Variants in LDLRAD4 observed in about 807,000 individuals in gnomAD.
LDLRAD4 encodes the protein low density lipoprotein receptor class A domain containing 4, also known as low-density lipoprotein receptor class A domain-containing protein 4.
In LDLRAD4, 5 loss-of-function variants were observed where a neutral mutation model predicts 17.0. The ratio of observed to expected loss-of-function variants is 0.29; its 90% CI spans 0.15 to 0.62. LDLRAD4 has a LOEUF of 0.62. LDLRAD4 is among the 20% of genes least tolerant of loss of function. The pLI is 0.84. For synonymous variants in LDLRAD4, 168 were observed against 171.8 expected, an observed-to-expected ratio of 0.98 and a Z score of 0.17; for missense variants, 340 against 424.7, an observed-to-expected ratio of 0.80 and a Z score of 1.75.
intron 3 of LDLRAD4, chr18:13,615,493 C>T (rs936547795): frequency 3.3e-5 from 5 of 152,164 alleles, no homozygotes; most frequent in South Asian, 4.1e-4. Flanking sequence ...TTAAAAATAG[C>T]GCAGACACTC....
chr18:13,340,867 C>T (rs186904793), intron 1 of LDLRAD4, among the ~76,000 whole-genome samples: 56 of 152,070 alleles, frequency 3.7e-4, no homozygotes, highest in African/African-American at 1.1e-3. Flanking sequence ...TTTTAGCTTT[C>T]GTTTCTAGGT....
chr18:13,521,527 G>A (rs1327983014), intron 3 of LDLRAD4: 1 of 152,068 alleles, frequency 6.6e-6, no homozygotes, highest in Non-Finnish European at 1.5e-5. Flanking sequence ...ATTGCCAGTG[G>A]AATAACTTGG....
intron 3 of LDLRAD4, among the ~76,000 whole-genome samples, chr18:13,581,883 G>A (rs1248272883): frequency 6.6e-6 from 1 of 152,164 alleles, no homozygotes; most frequent in African/African-American, 2.4e-5. Context: ...ACACACGTAT[G>A]TGTGTGCATG....
In LDLRAD4 at chr18:13,612,657, TG is replaced by T. The variant is rs745447801; in HGVS notation, c.182-8453del. ...GGAAGCTGAAGGGATGCTTTGAACG[TG>T]GGGGGGCTGCGTCACAGTTGGACTC... On this transcript the variant is annotated intron_variant, in intron 3 of 5. Transcript: ENST00000359446. 2.9e-5 allele frequency: 47 copies of T among 1,612,152 alleles called. No homozygotes were observed. In the African/African-American group the frequency reaches 6.0e-4, roughly 21 times the overall value.
At chr18:13,261,614 C>T (rs549160555) in intron 1 of LDLRAD4, among the ~76,000 whole-genome samples, 249 of 152,324 alleles carry the variant, frequency 1.6e-3, no homozygotes, top group African/African-American at 5.7e-3. Context: ...GAGTGATAAG[C>T]GCACTCGTTC....
chr18:13,305,130 A>G (rs992431099), intron 1 of LDLRAD4, among the ~76,000 whole-genome samples: 1 of 152,204 alleles, frequency 6.6e-6, no homozygotes, highest in Admixed American at 6.5e-5. Context: ...TAGGCATGTC[A>G]TGAATGCATA....
chr18:13,460,657 TTAGTGATGAGGGTATTTAAGGCAGA>T (rs1363077891), intron 3 of LDLRAD4, among the ~76,000 whole-genome samples: 1 of 152,174 alleles, frequency 6.6e-6, no homozygotes, highest in Non-Finnish European at 1.5e-5. Context: ...AAAAGGACAA[TTAGTGATGAGGGTATTTAAGGCAGA>T]CAGTTCATAC....
chr18:13,467,231 C>T (rs1193033653), intron 3 of LDLRAD4, among the ~76,000 whole-genome samples: 1 of 152,150 alleles, frequency 6.6e-6, no homozygotes, highest in East Asian at 1.9e-4. Flanking sequence ...ATGACATGAT[C>T]TTATGTATAG....
intron 3 of LDLRAD4, among the ~76,000 whole-genome samples, chr18:13,583,886 C>G (rs763989876): frequency 1.7e-4 from 26 of 152,148 alleles, no homozygotes; most frequent in Non-Finnish European, 3.7e-4. Flanking sequence ...ATGGAACCTG[C>G]GAGCACTTTC....
chr18:13,287,542 A>G (rs1488700672), intron 1 of LDLRAD4, among the ~76,000 whole-genome samples: 1 of 152,128 alleles, frequency 6.6e-6, no homozygotes, highest in East Asian at 1.9e-4. Flanking sequence ...CATCCTCTGG[A>G]TAAGTAATTG....
At chr18:13,348,950 C>T (rs1043791537) in intron 1 of LDLRAD4, among the ~76,000 whole-genome samples, 10 of 152,194 alleles carry the variant, frequency 6.6e-5, no homozygotes, top group African/African-American at 1.7e-4. Flanking sequence ...GAGAGTGACC[C>T]GATTTTCCAG....
At chr18:13,357,296 C>T (rs1323596157) in intron 1 of LDLRAD4, among the ~76,000 whole-genome samples, 2 of 151,952 alleles carry the variant, frequency 1.3e-5, no homozygotes, top group Admixed American at 1.3e-4. Context: ...GCAGGCTGGA[C>T]TCCTGGGCTT....
chr18:13,562,549 C>T (rs945276297), intron 3 of LDLRAD4, among the ~76,000 whole-genome samples: 3 of 152,222 alleles, frequency 2.0e-5, no homozygotes, highest in Non-Finnish European at 2.9e-5. Context: ...GTCAGGCTCA[C>T]ATGTTCACCA....
intron 2 of LDLRAD4, among the ~76,000 whole-genome samples, chr18:13,409,838 A>C (rs971772784): frequency 1.3e-5 from 2 of 152,358 alleles, no homozygotes; most frequent in South Asian, 4.1e-4. Flanking sequence ...AAGGAGAAAC[A>C]AGATATTTGA....
intron 3 of LDLRAD4, among the ~76,000 whole-genome samples, chr18:13,439,593 T>G (rs1411645715): frequency 6.6e-6 from 1 of 152,248 alleles, no homozygotes; most frequent in Admixed American, 6.5e-5. Flanking sequence ...CGGTAGTCTC[T>G]GTGTAATACA....
intron 1 of LDLRAD4, among the ~76,000 whole-genome samples, chr18:13,263,730 A>G (rs2044052149): frequency 6.6e-6 from 1 of 152,136 alleles, no homozygotes; most frequent in Non-Finnish European, 1.5e-5. Flanking sequence ...AGAATCAATC[A>G]TGTTCCGAGC....
At chr18:13,255,230 G>A (rs1372425662) in intron 1 of LDLRAD4, among the ~76,000 whole-genome samples, 1 of 152,198 alleles carries the variant, frequency 6.6e-6, no homozygotes, top group Non-Finnish European at 1.5e-5. Flanking sequence ...CACCCAGCAG[G>A]TGCTGTTGGA....
intron 3 of LDLRAD4, among the ~76,000 whole-genome samples, chr18:13,511,909 T>C (rs1402181809): frequency 6.6e-6 from 1 of 152,216 alleles, no homozygotes; most frequent in Non-Finnish European, 1.5e-5. Flanking sequence ...AAGAAATGTA[T>C]TTTTAGCGTC....
intron 3 of LDLRAD4, among the ~76,000 whole-genome samples, chr18:13,466,080 A>G (rs1413966162): frequency 2.0e-5 from 3 of 152,244 alleles, no homozygotes; most frequent in African/African-American, 7.2e-5. Flanking sequence ...GAAATAATGA[A>G]GTAATCTTTA....
Sources: gnomAD v4.1 joint callset for allele counts (sites outside exome capture counted in the v4.1 genomes callset) on GRCh38, gnomAD v4.1.1 for gene constraint, MANE v1.5 for transcripts, NCBI Gene and HGNC (gene_info 2026-07-23, HGNC 2026-07-21) for gene names.